CAMKK1: variants seen among roughly 807,000 people sequenced by gnomAD.
CAMKK1 encodes the protein calcium/calmodulin-dependent protein kinase kinase 1.
A neutral mutation model predicts 63.5 loss-of-function variants in CAMKK1; 20 were observed. The ratio of observed to expected loss-of-function variants is 0.32; its 90% confidence interval spans 0.22 to 0.46. The LOEUF (loss-of-function observed/expected upper bound fraction) is 0.46, where lower values mean the gene tolerates loss of function less well. Among genes scored for constraint, CAMKK1 ranks in the 20% least tolerant of loss-of-function variants. The pLI is 1.00. For synonymous variants in CAMKK1, 253 were observed against 269.0 expected, an observed-to-expected ratio of 0.94 and a Z score of 0.58; for missense variants, 588 against 658.1, an observed-to-expected ratio of 0.89 and a Z score of 1.17.
In CAMKK1 at chr17:3,883,344, C is replaced by T; in HGVS notation, c.514+85G>A. Reference sequence around the variant, plus strand: ...ACGCTGTCTCCCTCTCTACCCCATTCCTAGCCAAAACTAGCTCAGGATCGA... The same window carrying T: ...ACGCTGTCTCCCTCTCTACCCCATTTCTAGCCAAAACTAGCTCAGGATCGA... On this transcript the variant is annotated intron_variant, in intron 5 of 15. Coordinates refer to ENST00000348335, the MANE Select transcript of CAMKK1 (RefSeq NM_032294.3). The surrounding 1 kb of genome is among the most constrained non-coding windows in gnomAD (Gnocchi z 4.7). 1 of 1,513,738 alleles carries T rather than the reference C, an allele frequency of 6.6e-7. No homozygotes were observed. The highest frequency in any genetic ancestry group is 9.2e-7 in the Non-Finnish European group (1 of 1,089,866). The allele number at this position is 1,513,738 out of a possible 1,614,324, so 93.8% of individuals were successfully genotyped here. A position where few individuals can be genotyped will look rare whatever the true frequency, so the allele number is the denominator to read the frequency against.
intron 15 of CAMKK1, chr17:3,865,648 C>T (rs752681899): frequency 1.5e-6 from 2 of 1,343,820 alleles, no homozygotes; most frequent in Non-Finnish European, 9.6e-7. Flanking sequence ...CATGGAGGGG[C>T]TGCGTGAGCT....
At chr17:3,881,714 C>CAGAACAGGGAGGGA in intron 7 of CAMKK1, 66 bp from the exon 8 acceptor site, 3 of 1,471,886 alleles carry the variant, frequency 2.0e-6, no homozygotes, top group Non-Finnish European at 2.8e-6. Context: ...AAGGTCCCTC[C>CAGAACAGGGAGGGA]CTGTTCTGGA....
intron 12 of CAMKK1, among the ~76,000 whole-genome samples, chr17:3,871,560 G>T (rs143941733): frequency 1.5e-4 from 22 of 149,844 alleles, no homozygotes; most frequent in South Asian, 1.0e-3. Context: ...GTTTCACCGT[G>T]TTAGCCAGGA....
chr17:3,883,006 G>C lies in CAMKK1; in HGVS notation c.648+36C>G. 1 of 1,609,458 alleles carries C rather than the reference G, an allele frequency of 6.2e-7. No homozygotes were observed. The highest frequency in any genetic ancestry group is 1.1e-5 in the South Asian group (1 of 90,848). On this transcript the variant is annotated intron_variant, in intron 6 of 15. Coordinates refer to ENST00000348335, the MANE Select transcript of CAMKK1 (RefSeq NM_032294.3). The surrounding 1 kb of genome is among the most constrained non-coding windows in gnomAD (Gnocchi z 4.7). Reference sequence around the variant, plus strand: ...CCAGAAGCGGCTCCCATGAGACTCAGGTGCTGGTTCCCACCTGCTCACCAC... The same window carrying C: ...CCAGAAGCGGCTCCCATGAGACTCACGTGCTGGTTCCCACCTGCTCACCAC...
In CAMKK1 at chr17:3,883,065, C is replaced by T. The variant is rs1203769570; in HGVS notation, c.625G>A (p.Val209Met). The change falls in exon 6 of 16, where the codon GTG becomes ATG. Residue 209 changes from valine to methionine, a missense_variant. Around this residue, in one of 3 missense-constraint regions of CAMKK1, gnomAD observed 357 missense variants for 407.4 expected, o/e 0.88. Coordinates refer to ENST00000348335, the MANE Select transcript of CAMKK1 (RefSeq NM_032294.3). This position sits in a 1 kb window ranked among gnomAD's most constrained non-coding sequence, Gnocchi z 4.7. ...EIAILKKLDH[V>M]NVVKLIEVLD... ...ACCTCGATCAGTTTGACCACATTCA[C>T]GTGGTCCAGCTTCTTCAGGATGGCA... 6.2e-6 allele frequency: 10 copies of T among 1,614,010 alleles called. No homozygotes were observed. Among genetic ancestry groups the T allele is most frequent in the Middle Eastern group, 1.7e-4 (1 of 6,058 alleles).
At chr17:3,885,808 G>A in intron 1 of CAMKK1, 78 bp from the exon 2 acceptor site, 1 of 1,415,648 alleles carries the variant, frequency 7.1e-7, no homozygotes, top group South Asian at 1.3e-5. Context: ...AGCGCTGTGG[G>A]TCCCACCTCC....
chr17:3,866,550 C>T (rs932173413), intron 14 of CAMKK1, among the ~76,000 whole-genome samples: 2 of 152,232 alleles, frequency 1.3e-5, no homozygotes, highest in Admixed American at 6.5e-5. Flanking sequence ...CCCACAGACA[C>T]GCCGACTCAC....
rs964827536 is a variant in CAMKK1, at chr17:3,889,183, C to T, written c.-43-3453G>A. On this transcript the variant is annotated intron_variant, in intron 1 of 15. Coordinates refer to ENST00000348335, the MANE Select transcript of CAMKK1 (RefSeq NM_032294.3). This position sits in a 1 kb window ranked among gnomAD's most constrained non-coding sequence, Gnocchi z 5.2. ...GCTGGGCTGGATTCTGTGCCCCGGG[C>T]GGAAACCCAGGCCCATCTGGAGGCT... Among the ~76,000 whole-genome samples the T allele has an allele frequency of 1.3e-5, 2 of 152,094 alleles. No homozygotes were observed. Among genetic ancestry groups the T allele is most frequent in the Non-Finnish European group, 2.9e-5 (2 of 68,016 alleles).
At position 3,892,429 on chromosome 17, in the gene CAMKK1, C is replaced by CG. The variant is rs1329870416; in HGVS notation, c.-44+509dup. On this transcript the variant is annotated intron_variant, in intron 1 of 15. Coordinates refer to ENST00000348335, the MANE Select transcript of CAMKK1 (RefSeq NM_032294.3). The surrounding 1 kb of genome is among the most constrained non-coding windows in gnomAD (Gnocchi z 7.5). ...CCGAAGCCGCAGCGCCCGCCTCTGC[C>CG]GCCCCCTCTCGCCCCAGCCAAGGCA... Among the ~76,000 whole-genome samples the CG allele has an allele frequency of 2.0e-5, 3 of 152,154 alleles. No individual in the cohort carries two copies. The highest frequency in any genetic ancestry group is 4.4e-5 in the Non-Finnish European group (3 of 68,016).
chr17:3,872,472 C>T (rs2054931759), intron 12 of CAMKK1, 82 bp downstream of exon 12: 7 of 1,184,938 alleles, frequency 5.9e-6, no homozygotes, highest in Non-Finnish European at 8.8e-6. Context: ...GGGGTGGGGT[C>T]CTCAGAGGGC....
intron 15 of CAMKK1, chr17:3,865,211 G>A (rs2054471023): frequency 5.1e-6 from 5 of 985,662 alleles, no homozygotes; most frequent in Admixed American, 1.2e-4. Flanking sequence ...TGCTGAGGAC[G>A]AGGCGCACAG....
At chr17:3,870,033 G>A in intron 12 of CAMKK1, 145 bp from the exon 13 acceptor site, 2 of 676,522 alleles carry the variant, frequency 3.0e-6, no homozygotes, top group Admixed American at 2.3e-5. Flanking sequence ...AGGGCTTGGA[G>A]AGCCTTTCCT....
Position 3,862,051 on chromosome 17 carries a change from A to ACGTG in CAMKK1, c.*156_*159dup. ...GACATACATTCCAGTCTGTCCCTGG[A>ACGTG]CGTGCGTGCGTGGAGGTCATGCAGC... On this transcript the variant is annotated 3_prime_UTR_variant, in exon 16 of 16. Coordinates refer to ENST00000348335, the MANE Select transcript of CAMKK1 (RefSeq NM_032294.3). The surrounding 1 kb of genome is among the most constrained non-coding windows in gnomAD (Gnocchi z 4.1). 1 of 623,656 alleles carries ACGTG rather than the reference A, an allele frequency of 1.6e-6. No homozygotes were observed. Among genetic ancestry groups the ACGTG allele is most frequent in the African/African-American group, 1.8e-5 (1 of 54,496 alleles). 38.6% of individuals were successfully genotyped at this position (623,656 alleles called of 1,614,324 possible). A position where few individuals can be genotyped will look rare whatever the true frequency, so the allele number is the denominator to read the frequency against.
At chr17:3,881,133 C>G (rs1041373028) in intron 8 of CAMKK1, among the ~76,000 whole-genome samples, 2 of 152,184 alleles carry the variant, frequency 1.3e-5, no homozygotes, top group Non-Finnish European at 2.9e-5. Context: ...ATAGGGCAGA[C>G]ATGTGGAAGC....
chr17:3,876,457 C>T (rs1380126399), intron 9 of CAMKK1, 35 bp from the exon 10 acceptor site: 1 of 1,581,158 alleles, frequency 6.3e-7, no homozygotes, highest in Non-Finnish European at 8.7e-7. Context: ...GAGCGCTGGC[C>T]TGGGCACCGC....
intron 15 of CAMKK1, chr17:3,865,073 G>A (rs1302364437): frequency 4.2e-6 from 4 of 949,880 alleles, no homozygotes; most frequent in Non-Finnish European, 5.0e-6. Flanking sequence ...GGAAGGCAGT[G>A]GCTGTCCCAG....
Position 3,871,510 on chromosome 17 carries a change from A to G in CAMKK1, c.1124+1044T>C, listed in dbSNP as rs1399539778. Among the ~76,000 whole-genome samples the G allele has an allele frequency of 5.7e-4, 84 of 148,578 alleles. 1 individual carries two copies. The highest frequency in any genetic ancestry group is 3.9e-4 in the East Asian group (2 of 5,124). ...GCTGGGACTACAGGCACCCGCCACC[A>G]CGCCCGGCTAATTTTTTTTCTATTT... On this transcript the variant is annotated intron_variant, in intron 12 of 15. Transcript: ENST00000348335.
In CAMKK1 at chr17:3,862,017, A is replaced by C. The variant is rs2054344746; in HGVS notation, c.*194T>G. Reference sequence around the variant, plus strand: ...GCCTCGTGGGAGCCCTGCCCCCAAGACCCCAAATGACATACATTCCAGTCT... The same window carrying C: ...GCCTCGTGGGAGCCCTGCCCCCAAGCCCCCAAATGACATACATTCCAGTCT... On this transcript the variant is annotated 3_prime_UTR_variant, in exon 16 of 16. Coordinates refer to ENST00000348335, the MANE Select transcript of CAMKK1 (RefSeq NM_032294.3). The surrounding 1 kb of genome is among the most constrained non-coding windows in gnomAD (Gnocchi z 4.1). 1.7e-6 allele frequency: 1 copy of C among 593,790 alleles called. No individual in the cohort carries two copies. The highest frequency in any genetic ancestry group is 1.9e-5 in the African/African-American group (1 of 53,618). The allele number at this position is 593,790 out of a possible 1,614,324, so 36.8% of individuals were successfully genotyped here. A position where few individuals can be genotyped will look rare whatever the true frequency, so the allele number is the denominator to read the frequency against.
intron 14 of CAMKK1, among the ~76,000 whole-genome samples, 184 bp from the exon 15 acceptor site, chr17:3,866,195 T>A (rs986602487): frequency 1.3e-5 from 2 of 152,076 alleles, no homozygotes; most frequent in African/African-American, 4.8e-5. Context: ...ATTCCTGGAA[T>A]GGTGAGGAGC....
Sources: gnomAD v4.1 joint callset for allele counts (sites outside exome capture counted in the v4.1 genomes callset) on GRCh38, gnomAD v4.1.1 for gene constraint, gnomAD v4.1.1 regional missense constraint, Gnocchi (gnomAD v3.1) non-coding constraint, MANE v1.5 for transcripts, NCBI Gene and HGNC (gene_info 2026-07-23, HGNC 2026-07-21) for gene names.